PRDM16: variants seen among roughly 807,000 people sequenced by gnomAD.
PRDM16 encodes the protein PR/SET domain 16, also known as histone-lysine N-methyltransferase PRDM16.
A neutral mutation model predicts 110.6 loss-of-function variants in PRDM16; 23 were observed. The observed-to-expected ratio is 0.21, with a 90% CI of 0.15 to 0.29. PRDM16 has a LOEUF of 0.29. PRDM16 is among the 10% of genes least tolerant of loss of function. The probability of loss-of-function intolerance (pLI) is 1.00; values close to 1 mark genes in which losing one functional copy is unlikely to be tolerated. For synonymous variants in PRDM16, 799 were observed against 781.8 expected (o/e 1.02, Z -0.37); for missense variants, 1,615 against 1,794.3 (o/e 0.90, Z 1.81).
At position 3,126,254 on chromosome 1, in the gene PRDM16, G is replaced by T. The variant is rs372865481; in HGVS notation, c.37+56958G>T. On this transcript the variant is annotated intron_variant, in intron 1 of 16. Coordinates refer to ENST00000270722, the MANE Select transcript of PRDM16 (RefSeq NM_022114.4). Reference sequence around the variant, plus strand: ...CGCAGCTCTCGCCGCCGCCGCACGCGGCCAGCCTGGCTGTGCCTGGGAACA... The same window carrying T: ...CGCAGCTCTCGCCGCCGCCGCACGCTGCCAGCCTGGCTGTGCCTGGGAACA... Among the ~76,000 whole-genome samples, 12 of 152,296 alleles carry T rather than the reference G, an allele frequency of 7.9e-5. No individual in the cohort carries two copies. The East Asian group carries it at 1.2e-3, about 15-fold the overall frequency.
chr1:3,336,578 CTG>C lies in PRDM16; in HGVS notation c.439-48573_439-48572del, dbSNP rs547703583. Among the ~76,000 whole-genome samples the C allele has an allele frequency of 6.0e-5, 9 of 149,510 alleles. No homozygotes were observed. The South Asian group carries it at 1.5e-3, about 25-fold the overall frequency. ...CATGCACATGTGTGTTGGTGTGAGT[CTG>C]AGTGCATGCATGCACATCTGTGTTG... On this transcript the variant is annotated intron_variant, in intron 3 of 16. Coordinates refer to ENST00000270722, the MANE Select transcript of PRDM16 (RefSeq NM_022114.4).
intron 2 of PRDM16, among the ~76,000 whole-genome samples, chr1:3,197,353 A>G (rs1320942269): frequency 6.6e-6 from 1 of 152,134 alleles, no homozygotes; most frequent in Non-Finnish European, 1.5e-5. Flanking sequence ...GCCCCCAGCC[A>G]TCACAGCGGC....
intron 4 of PRDM16, among the ~76,000 whole-genome samples, chr1:3,386,439 A>G (rs1314170657): frequency 6.6e-6 from 1 of 152,174 alleles, no homozygotes; most frequent in Non-Finnish European, 1.5e-5. Flanking sequence ...GCTCTCCCTC[A>G]TTTGCCGTCC....
rs1039963601 is a variant in PRDM16 at position 3,175,030 on chromosome 1, G to A, written c.38-11095G>A. Among the ~76,000 whole-genome samples the A allele has an allele frequency of 1.3e-5, 2 of 152,138 alleles. No individual in the cohort carries two copies. The highest frequency in any genetic ancestry group is 2.9e-5 in the Non-Finnish European group (2 of 68,028). ...AGTGCCGCAGGGCAGCCGCGGTCCCGGGCTGGTCAGAAGGTGGGACCAGCG... is the reference window on the plus strand; with the variant it reads ...AGTGCCGCAGGGCAGCCGCGGTCCCAGGCTGGTCAGAAGGTGGGACCAGCG... On this transcript the variant is annotated intron_variant, in intron 1 of 16. Coordinates refer to ENST00000270722, the MANE Select transcript of PRDM16 (RefSeq NM_022114.4). The surrounding 1 kb of genome is among the most constrained non-coding windows in gnomAD (Gnocchi z 4.8).
intron 1 of PRDM16, among the ~76,000 whole-genome samples, chr1:3,168,472 A>G (rs1643987307): frequency 6.6e-6 from 1 of 150,644 alleles, no homozygotes; most frequent in African/African-American, 2.5e-5. Flanking sequence ...AAGATTGTTG[A>G]GACTTGTAAA....
rs1462685616 is a variant in PRDM16 at position 3,350,737 on chromosome 1, A to G, written c.439-34415A>G. ...CGGGCCGGGCTGGTTCCTCCCTCCC[A>G]GGACAAGAGCTTTGTGTCTGCCGAC... On this transcript the variant is annotated intron_variant, in intron 3 of 16. Transcript: ENST00000270722. The surrounding 1 kb of genome is among the most constrained non-coding windows in gnomAD (Gnocchi z 7.1). Among the ~76,000 whole-genome samples, 1 of 152,116 alleles carries G rather than the reference A, an allele frequency of 6.6e-6. No homozygotes were observed. Among genetic ancestry groups the G allele is most frequent in the African/African-American group, 2.4e-5 (1 of 41,444 alleles).
chr1:3,425,524 C>T lies in PRDM16; in HGVS notation c.2940-57C>T, dbSNP rs1198370083. Reference sequence around the variant, plus strand: ...GCTCCCTTCCCCCCACCCTCTGTGGCCCGGCCTGCCATGCAGAGCCGGGGC... The same window carrying T: ...GCTCCCTTCCCCCCACCCTCTGTGGTCCGGCCTGCCATGCAGAGCCGGGGC... On this transcript the variant is annotated intron_variant, in intron 12 of 16. Coordinates refer to ENST00000270722, the MANE Select transcript of PRDM16 (RefSeq NM_022114.4). The surrounding 1 kb of genome is among the most constrained non-coding windows in gnomAD (Gnocchi z 6.9). 5 of 1,568,350 alleles carry T rather than the reference C, an allele frequency of 3.2e-6. No homozygotes were observed. The highest frequency in any genetic ancestry group is 2.7e-5 in the African/African-American group (2 of 73,522).
chr1:3,146,157 C>T (rs1373033726), intron 1 of PRDM16, among the ~76,000 whole-genome samples: 2 of 152,222 alleles, frequency 1.3e-5, no homozygotes, highest in Non-Finnish European at 2.9e-5. Flanking sequence ...AGCCCCCGCA[C>T]ATTTGGGATA....
chr1:3,309,558 C>T (rs539177454), intron 3 of PRDM16: 2 of 152,456 alleles, frequency 1.3e-5, no homozygotes, highest in East Asian at 1.9e-4. Flanking sequence ...ATCTGTAAAA[C>T]ACCAGAGAGA....
intron 2 of PRDM16, among the ~76,000 whole-genome samples, chr1:3,204,004 C>T (rs766684048): frequency 4.6e-5 from 7 of 152,136 alleles, no homozygotes; most frequent in Non-Finnish European, 8.8e-5. Context: ...GCCCCCTCTG[C>T]GGACTCGAAG....
At chr1:3,420,577 A>G (rs943873190) in intron 12 of PRDM16, among the ~76,000 whole-genome samples, 1 of 152,242 alleles carries the variant, frequency 6.6e-6, no homozygotes, top group African/African-American at 2.4e-5. Flanking sequence ...TCCTTGCCTC[A>G]GATGACCTGA....
chr1:3,129,005 G>A (rs547249377), intron 1 of PRDM16, among the ~76,000 whole-genome samples: 5 of 152,330 alleles, frequency 3.3e-5, no homozygotes, highest in African/African-American at 1.2e-4. Flanking sequence ...AGGCTGGGGT[G>A]TGGTCGCTGC....
intron 3 of PRDM16, among the ~76,000 whole-genome samples, chr1:3,335,015 G>T (rs1033799893): frequency 1.3e-5 from 2 of 152,158 alleles, no homozygotes; most frequent in Non-Finnish European, 2.9e-5. Context: ...AGTCCCCAGC[G>T]CCAGCCCCGC....
intron 2 of PRDM16, among the ~76,000 whole-genome samples, chr1:3,236,649 C>T (rs964333885): frequency 6.6e-6 from 1 of 152,206 alleles, no homozygotes. Context: ...GGCTGCCCAG[C>T]CCTGCCCTCG....
chr1:3,152,214 G>A (rs2100725444), intron 1 of PRDM16, among the ~76,000 whole-genome samples: 1 of 152,308 alleles, frequency 6.6e-6, no homozygotes, highest in Admixed American at 6.5e-5. Context: ...GAGAATTCCT[G>A]ATTCAGAATC....
At chr1:3,273,831 T>A (rs1046507737) in intron 3 of PRDM16, among the ~76,000 whole-genome samples, 2 of 151,270 alleles carry the variant, frequency 1.3e-5, no homozygotes, top group Admixed American at 1.3e-4. Flanking sequence ...TGTGTGTGTG[T>A]GTGTGTGTGT....
rs1639747308 is a variant in PRDM16 at position 3,244,638 on chromosome 1, G to A, written c.438+501G>A. Among the ~76,000 whole-genome samples, 1 of 152,138 alleles carries A rather than the reference G, an allele frequency of 6.6e-6. No individual in the cohort carries two copies. Among genetic ancestry groups the A allele is most frequent in the South Asian group, 2.1e-4 (1 of 4,828 alleles). On this transcript the variant is annotated intron_variant, in intron 3 of 16. Transcript: ENST00000270722. The surrounding 1 kb of genome is among the most constrained non-coding windows in gnomAD (Gnocchi z 4.1). Reference sequence around the variant, plus strand: ...AAAGGGTCCACGTGGCATTATCCACGGCTTTGCTGACTGGTGGTGGATAAC... The same window carrying A: ...AAAGGGTCCACGTGGCATTATCCACAGCTTTGCTGACTGGTGGTGGATAAC...
In PRDM16 at chr1:3,225,623, G is replaced by A. The variant is rs1219497660; in HGVS notation, c.388-18464G>A. ...GCAAGGAAGATCAGTTAAGGGATGA[G>A]GCTTTGGGTCTTCAAGAATTCTAAC... On this transcript the variant is annotated intron_variant, in intron 2 of 16. Transcript: ENST00000270722. Among the ~76,000 whole-genome samples, 5 of 151,620 alleles carry A rather than the reference G, an allele frequency of 3.3e-5. No homozygotes were observed. The East Asian group carries it at 9.7e-4, about 29-fold the overall frequency.
rs1557549979 is a variant in PRDM16 at position 3,238,628 on chromosome 1, C to T, written c.388-5459C>T. Among the ~76,000 whole-genome samples the T allele has an allele frequency of 3.3e-5, 5 of 152,340 alleles. No individual in the cohort carries two copies. The South Asian group carries it at 6.2e-4, about 19-fold the overall frequency. On this transcript the variant is annotated intron_variant, in intron 2 of 16. Transcript: ENST00000270722. Reference sequence around the variant, plus strand: ...AGAGGCGGGGCGGCCGGCGACTAACCGCCTTTCACGGTTCTTGCGGGAGCT... The same window carrying T: ...AGAGGCGGGGCGGCCGGCGACTAACTGCCTTTCACGGTTCTTGCGGGAGCT...
Sources: gnomAD v4.1 joint callset for allele counts (sites outside exome capture counted in the v4.1 genomes callset) on GRCh38, gnomAD v4.1.1 for gene constraint, Gnocchi (gnomAD v3.1) non-coding constraint, MANE v1.5 for transcripts, NCBI Gene and HGNC (gene_info 2026-07-23, HGNC 2026-07-21) for gene names.